GRB14: variants seen among roughly 807,000 people sequenced by gnomAD.
GRB14 encodes growth factor receptor-bound protein 14.
GRB14 carries 38 observed loss-of-function variants against 69.1 expected under a neutral mutation model. That is an observed-to-expected ratio of 0.55 (90% CI 0.42 to 0.72). The LOEUF is 0.72. Among genes scored for constraint, GRB14 ranks in the 30% least tolerant of loss-of-function variants. GRB14 has a pLI of 0.00. For missense variants in GRB14, 666 were observed against 666.1 expected (o/e 1.00, Z 0.00); for synonymous variants, 247 against 241.3 (o/e 1.02, Z -0.22).
intron 6 of GRB14, among the ~76,000 whole-genome samples, chr2:164,511,006 T>G (rs1036070660): frequency 2.0e-5 from 3 of 152,096 alleles, no homozygotes; most frequent in Non-Finnish European, 4.4e-5. Context: ...CCTGTCACAG[T>G]GGAAAGCAAA....
chr2:164,510,930 G>T (rs1255065591), intron 6 of GRB14, among the ~76,000 whole-genome samples: 4 of 152,332 alleles, frequency 2.6e-5, no homozygotes, highest in South Asian at 4.1e-4. Flanking sequence ...GCAGGAGAAA[G>T]AATCTGTGTA....
At chr2:164,612,608 C>G (rs1690193873) in intron 2 of GRB14, among the ~76,000 whole-genome samples, 1 of 152,186 alleles carries the variant, frequency 6.6e-6, no homozygotes, top group Non-Finnish European at 1.5e-5. Flanking sequence ...TAAGCATATA[C>G]TTATACAATA....
rs557670009 is a variant in GRB14, at chr2:164,536,171, C to G, written c.482-9036G>C. Among the ~76,000 whole-genome samples, 75 of 152,256 alleles carry G rather than the reference C, an allele frequency of 4.9e-4. 1 individual carries two copies. In the South Asian group the frequency reaches 7.9e-3, roughly 16 times the overall value. ...TTAATTTTTTGATATAAATGCCTTA[C>G]AGTTTAGTATGACTTAGTTCCAAAC... On this transcript the variant is annotated intron_variant, in intron 3 of 13. Transcript: ENST00000263915.
chr2:164,507,354 G>A (rs1228653800), intron 8 of GRB14, among the ~76,000 whole-genome samples: 1 of 152,106 alleles, frequency 6.6e-6, no homozygotes, highest in Non-Finnish European at 1.5e-5. Flanking sequence ...TGAAATGGGG[G>A]AACCTAAGGA....
intron 5 of GRB14, among the ~76,000 whole-genome samples, chr2:164,523,694 G>A (rs1574269155): frequency 1.3e-5 from 2 of 152,134 alleles, no homozygotes; most frequent in East Asian, 3.9e-4. Context: ...TAAAAAGAGA[G>A]TCATAGAGGT....
intron 3 of GRB14, among the ~76,000 whole-genome samples, chr2:164,534,324 C>A (rs1688026112): frequency 6.6e-6 from 1 of 152,156 alleles, no homozygotes; most frequent in Non-Finnish European, 1.5e-5. Flanking sequence ...CAACCAATCT[C>A]ATTATGTTAA....
intron 2 of GRB14, among the ~76,000 whole-genome samples, chr2:164,556,832 T>C (rs1194571230): frequency 6.6e-6 from 1 of 152,092 alleles, no homozygotes; most frequent in East Asian, 1.9e-4. Context: ...CCTCTTTATA[T>C]CCCCAGCAGT....
chr2:164,609,753 C>T (rs1690123545), intron 2 of GRB14, among the ~76,000 whole-genome samples: 1 of 152,138 alleles, frequency 6.6e-6, no homozygotes, highest in Non-Finnish European at 1.5e-5. Context: ...AGAAGTTATC[C>T]CTCAAGGGTT....
chr2:164,497,116 A>G (rs1686921407), intron 11 of GRB14, 21 bp from the exon 12 acceptor site: 1 of 1,608,162 alleles, frequency 6.2e-7, no homozygotes, highest in Admixed American at 1.7e-5. Flanking sequence ...AGGATGGATG[A>G]ATGCAAAGCT....
At chr2:164,536,278 A>G (rs563207186) in intron 3 of GRB14, among the ~76,000 whole-genome samples, 2 of 152,300 alleles carry the variant, frequency 1.3e-5, no homozygotes, top group South Asian at 2.1e-4. Flanking sequence ...GTCTAATTTT[A>G]ATAATTTGAT....
chr2:164,526,561 A>C (rs1687779767), intron 4 of GRB14, among the ~76,000 whole-genome samples: 1 of 152,060 alleles, frequency 6.6e-6, no homozygotes, highest in Non-Finnish European at 1.5e-5. Flanking sequence ...TACTCTCAAC[A>C]ATCATTAGTC....
rs143060419 is a variant in GRB14 at position 164,574,915 on chromosome 2, G to A, written c.325-27099C>T. 1.7e-4 allele frequency among the ~76,000 whole-genome samples: 26 copies of A among 151,846 alleles called. No homozygotes were observed. In the East Asian group the frequency reaches 5.0e-3, roughly 29 times the overall value. On this transcript the variant is annotated intron_variant, in intron 2 of 13. Transcript: ENST00000263915. ...ACTGAACTCCAGCCTGGGGAACAGA[G>A]GGAGACCCTATCTCAAAATGAAGAA...
At chr2:164,600,614 G>T (rs751565065) in intron 2 of GRB14, among the ~76,000 whole-genome samples, 9 of 152,108 alleles carry the variant, frequency 5.9e-5, no homozygotes, top group Non-Finnish European at 1.0e-4. Flanking sequence ...CCAAGGATGA[G>T]ACCCAGGGAT....
chr2:164,580,101 T>A (rs1220467427), intron 2 of GRB14, among the ~76,000 whole-genome samples: 1 of 142,568 alleles, frequency 7.0e-6, no homozygotes, highest in Non-Finnish European at 1.5e-5. Flanking sequence ...GATACATTTT[T>A]TTTTTTTTTT....
chr2:164,534,428 A>G (rs371837171), intron 3 of GRB14, among the ~76,000 whole-genome samples: 6 of 152,322 alleles, frequency 3.9e-5, no homozygotes, highest in African/African-American at 1.2e-4. Context: ...TCTTTTTTCA[A>G]TGCAGATATC....
At chr2:164,504,196 C>T (rs371264598) in intron 8 of GRB14, among the ~76,000 whole-genome samples, 7 of 151,158 alleles carry the variant, frequency 4.6e-5, no homozygotes, top group African/African-American at 1.2e-4. Context: ...AAGAAAAGGA[C>T]GTAAGAATAA....
intron 2 of GRB14, among the ~76,000 whole-genome samples, chr2:164,571,125 A>T (rs1222447942): frequency 1.3e-5 from 2 of 152,202 alleles, no homozygotes; most frequent in Non-Finnish European, 2.9e-5. Flanking sequence ...GCTCATATTG[A>T]CTGTGCTTTA....
chr2:164,609,020 G>C (rs937621667), intron 2 of GRB14, among the ~76,000 whole-genome samples: 5 of 152,124 alleles, frequency 3.3e-5, no homozygotes, highest in Non-Finnish European at 7.4e-5. Flanking sequence ...TCATGTATAT[G>C]TTTTATTCTT....
At chr2:164,517,820 T>C (rs537493215) in intron 6 of GRB14, among the ~76,000 whole-genome samples, 43 of 152,188 alleles carry the variant, frequency 2.8e-4, no homozygotes, top group Non-Finnish European at 4.4e-4. Flanking sequence ...AAAATCACAA[T>C]CCTAAATATA....
Sources: allele counts gnomAD v4.1 joint callset (sites outside exome capture counted in the v4.1 genomes callset), GRCh38; gene constraint gnomAD v4.1.1; transcripts MANE v1.5; gene names NCBI Gene and HGNC (gene_info 2026-07-23, HGNC 2026-07-21).